Variants in CHST11 observed in about 807,000 individuals in gnomAD.
The protein encoded by CHST11 is carbohydrate sulfotransferase 11.
A neutral mutation model predicts 30.4 loss-of-function variants in CHST11; 9 were observed. The ratio of observed to expected loss-of-function variants is 0.30; its 90% CI spans 0.18 to 0.52. The LOEUF (loss-of-function observed/expected upper bound fraction) is 0.52, where lower values mean the gene tolerates loss of function less well. CHST11 is among the 20% of genes least tolerant of loss of function. The pLI is 0.97. For synonymous variants in CHST11, 152 were observed against 187.8 expected (o/e 0.81, Z 1.56); for missense variants, 348 against 460.6 (o/e 0.76, Z 2.24).
intron 1 of CHST11, among the ~76,000 whole-genome samples, chr12:104,596,523 G>A (rs1344979384): frequency 6.6e-6 from 1 of 152,198 alleles, no homozygotes; most frequent in East Asian, 1.9e-4. Flanking sequence ...TTTCGAGACA[G>A]CACGGTGAAG....
chr12:104,583,719 C>CTTTTTTTT (rs2038771419), intron 1 of CHST11, among the ~76,000 whole-genome samples: 2 of 5,310 alleles, frequency 3.8e-4, no homozygotes, highest in Admixed American at 5.0e-3. Context: ...AAAGATCTCT[C>CTTTTTTTT]TCTTTTTTTT....
intron 2 of CHST11, among the ~76,000 whole-genome samples, chr12:104,728,715 G>T (rs1172826193): frequency 6.6e-6 from 1 of 152,126 alleles, no homozygotes; most frequent in Non-Finnish European, 1.5e-5. Flanking sequence ...AACCCTACCC[G>T]GGAAGGCTTG....
intron 2 of CHST11, among the ~76,000 whole-genome samples, chr12:104,752,233 G>C (rs539599051): frequency 1.2e-4 from 19 of 152,222 alleles, no homozygotes; most frequent in African/African-American, 4.6e-4. Context: ...CATCATTGCA[G>C]TCTCCGACTC....
chr12:104,739,914 C>T (rs1174361499), intron 2 of CHST11, among the ~76,000 whole-genome samples: 1 of 152,208 alleles, frequency 6.6e-6, no homozygotes, highest in Non-Finnish European at 1.5e-5. Context: ...GATCTCCAGC[C>T]TGTGCTGATG....
chr12:104,586,506 G>A (rs564427827), intron 1 of CHST11, among the ~76,000 whole-genome samples: 2 of 152,232 alleles, frequency 1.3e-5, no homozygotes, highest in South Asian at 2.1e-4. Flanking sequence ...TTAATGCCCC[G>A]CCATGCTTGA....
At chr12:104,722,254 T>C (rs1161113002) in intron 2 of CHST11, among the ~76,000 whole-genome samples, 1 of 151,630 alleles carries the variant, frequency 6.6e-6, no homozygotes, top group Non-Finnish European at 1.5e-5. Flanking sequence ...CTGCCCGCCT[T>C]AGCCTCCCAA....
chr12:104,509,260 C>A (rs2037939043), intron 1 of CHST11, among the ~76,000 whole-genome samples: 1 of 152,168 alleles, frequency 6.6e-6, no homozygotes, highest in Non-Finnish European at 1.5e-5. Context: ...TGTAAGATGT[C>A]ACTTGCTCCT....
At chr12:104,580,831 A>G (rs766025386) in intron 1 of CHST11, among the ~76,000 whole-genome samples, 4 of 152,282 alleles carry the variant, frequency 2.6e-5, no homozygotes, top group South Asian at 2.1e-4. Flanking sequence ...GCCTCAAGCA[A>G]TCCTCCTGCC....
chr12:104,465,241 G>A (rs2037446364), intron 1 of CHST11, among the ~76,000 whole-genome samples: 1 of 152,176 alleles, frequency 6.6e-6, no homozygotes, highest in South Asian at 2.1e-4. Context: ...CTTCTCAATG[G>A]CCAGACTGGC....
intron 1 of CHST11, among the ~76,000 whole-genome samples, chr12:104,480,206 C>G (rs1470654845): frequency 3.3e-5 from 5 of 152,094 alleles, no homozygotes; most frequent in Admixed American, 2.0e-4. Flanking sequence ...CCCCGCCCCC[C>G]CCTCCAAATT....
intron 1 of CHST11, among the ~76,000 whole-genome samples, chr12:104,575,470 G>A (rs886621683): frequency 1.3e-5 from 2 of 152,196 alleles, no homozygotes; most frequent in African/African-American, 4.8e-5. Flanking sequence ...GGCATTGCAG[G>A]GATGAGGGTG....
At chr12:104,637,164 G>A (rs2039330424) in intron 2 of CHST11, among the ~76,000 whole-genome samples, 1 of 151,676 alleles carries the variant, frequency 6.6e-6, no homozygotes, top group African/African-American at 2.4e-5. Flanking sequence ...AATGAGCTGG[G>A]TGTGGTGGCA....
intron 2 of CHST11, among the ~76,000 whole-genome samples, chr12:104,647,870 C>T (rs2039450132): frequency 6.6e-6 from 1 of 152,188 alleles, no homozygotes; most frequent in Non-Finnish European, 1.5e-5. Flanking sequence ...GGTGCCCTCA[C>T]ATGGTTATCA....
chr12:104,476,222 GT>G (rs1227489417), intron 1 of CHST11, among the ~76,000 whole-genome samples: 1 of 141,916 alleles, frequency 7.0e-6, no homozygotes, highest in Non-Finnish European at 1.5e-5. Flanking sequence ...TTACATATAT[GT>G]TATATGTAAT....
At chr12:104,574,080 C>T (rs534961112) in intron 1 of CHST11, among the ~76,000 whole-genome samples, 2 of 152,282 alleles carry the variant, frequency 1.3e-5, no homozygotes, top group African/African-American at 4.8e-5. Context: ...CAAAAGAAGA[C>T]ATTTATGCAG....
At chr12:104,504,132 C>A (rs1242810672) in intron 1 of CHST11, among the ~76,000 whole-genome samples, 1 of 152,182 alleles carries the variant, frequency 6.6e-6, no homozygotes, top group African/African-American at 2.4e-5. Context: ...GTACCCCACA[C>A]CCCCAGGGCA....
chr12:104,557,060 C>T (rs2038464619), intron 1 of CHST11, among the ~76,000 whole-genome samples: 1 of 152,128 alleles, frequency 6.6e-6, no homozygotes, highest in Non-Finnish European at 1.5e-5. Flanking sequence ...TCACACTACT[C>T]CAGTATGACC....
chr12:104,739,373 G>A (rs965994887), intron 2 of CHST11, among the ~76,000 whole-genome samples: 8 of 152,088 alleles, frequency 5.3e-5, no homozygotes, highest in South Asian at 2.1e-4. Context: ...GACTTCTCTC[G>A]GCCAGTGTAT....
At chr12:104,703,030 C>T (rs558796165) in intron 2 of CHST11, among the ~76,000 whole-genome samples, 1 of 152,266 alleles carries the variant, frequency 6.6e-6, no homozygotes, top group South Asian at 2.1e-4. Flanking sequence ...TAGGACTAAT[C>T]ACACGCAATG....
Sources: gnomAD v4.1 joint callset for allele counts (sites outside exome capture counted in the v4.1 genomes callset) on GRCh38, gnomAD v4.1.1 for gene constraint, MANE v1.5 for transcripts, NCBI Gene and HGNC (gene_info 2026-07-23, HGNC 2026-07-21) for gene names.